ZBTB44: variants seen among roughly 807,000 people sequenced by gnomAD.
ZBTB44 encodes zinc finger and BTB domain containing 44.
Under a neutral mutation model 54.0 loss-of-function variants are expected in ZBTB44, and 15 were observed. The ratio of observed to expected loss-of-function variants is 0.28; its 90% confidence interval spans 0.19 to 0.43. The LOEUF (loss-of-function observed/expected upper bound fraction) is 0.43, where lower values mean the gene tolerates loss of function less well. Ranked by LOEUF, ZBTB44 falls within the 20% of genes least tolerant of loss-of-function variation. The pLI is 1.00. For missense variants in ZBTB44, 487 were observed against 707.1 expected (o/e 0.69, Z 3.53); for synonymous variants, 230 against 250.1 (o/e 0.92, Z 0.76).
At chr11:130,285,798 T>C (rs1940917623) in intron 1 of ZBTB44, 1 of 191,716 alleles carries the variant, frequency 5.2e-6, no homozygotes, top group Non-Finnish European at 1.1e-5. Context: ...GACAGTGATA[T>C]CCACAAGGCA....
intron 2 of ZBTB44, among the ~76,000 whole-genome samples, chr11:130,247,410 G>T (rs1043208551): frequency 7.2e-5 from 11 of 152,176 alleles, no homozygotes; most frequent in Admixed American, 2.0e-4. Context: ...AGCTCAAATA[G>T]TTCAATGAAG....
intron 2 of ZBTB44, among the ~76,000 whole-genome samples, chr11:130,258,684 A>T (rs1591972832): frequency 1.3e-5 from 2 of 152,380 alleles, no homozygotes; most frequent in East Asian, 3.9e-4. Flanking sequence ...TATGTGACAC[A>T]GACTAGCAGA....
intron 1 of ZBTB44, among the ~76,000 whole-genome samples, chr11:130,277,998 T>C (rs1940231691): frequency 6.6e-6 from 1 of 152,208 alleles, no homozygotes; most frequent in Non-Finnish European, 1.5e-5. Context: ...GGTTCCATTT[T>C]GAGTGAGTTA....
intron 1 of ZBTB44, among the ~76,000 whole-genome samples, chr11:130,275,788 C>G (rs1019949420): frequency 6.6e-6 from 1 of 151,994 alleles, no homozygotes; most frequent in African/African-American, 2.4e-5. Context: ...CCAGCATGCC[C>G]AGATAATTTT....
intron 2 of ZBTB44, among the ~76,000 whole-genome samples, chr11:130,241,996 G>T (rs1954386882): frequency 6.6e-6 from 1 of 152,110 alleles, no homozygotes; most frequent in African/African-American, 2.4e-5. Context: ...AGTTACTGTA[G>T]CTTTATAATA....
At chr11:130,313,548 T>C (rs1042195498) in intron 1 of ZBTB44, among the ~76,000 whole-genome samples, 23 of 152,258 alleles carry the variant, frequency 1.5e-4, no homozygotes, top group African/African-American at 4.8e-4. Context: ...ACTGAACACC[T>C]AGAGAAAAGG....
Position 130,295,543 on chromosome 11 carries a change from G to A in ZBTB44, c.-57+18832C>T, listed in dbSNP as rs914813237. 1.6e-5 allele frequency: 11 copies of A among 702,072 alleles called. No individual in the cohort carries two copies. In the African/African-American group the frequency reaches 1.6e-4, roughly 10 times the overall value. The allele number at this position is 702,072 out of a possible 1,614,324, so 43.5% of individuals were successfully genotyped here. On this transcript the variant is annotated intron_variant, in intron 1 of 7. Transcript: ENST00000357899. ...ATAATGATGAAGATGACAGTGAGGT[G>A]CCCAGCCTGCCCCTGGGACTCACAG... is the stretch of plus-strand genomic sequence containing the variant.
rs1310840890 is a variant in ZBTB44, at chr11:130,314,885, C to G, written c.-567G>C. Reference sequence around the variant, plus strand: ...CCGTTGCCGCTCCGCTCACTCCAGCCTGTTTGGGGGCACTTTGTTTGTGTC... The same window carrying G: ...CCGTTGCCGCTCCGCTCACTCCAGCGTGTTTGGGGGCACTTTGTTTGTGTC... On this transcript the variant is annotated 5_prime_UTR_variant, in exon 1 of 8. Coordinates refer to ENST00000357899, the MANE Select transcript of ZBTB44 (RefSeq NM_001301098.2). 1 of 149,436 alleles carries G rather than the reference C, an allele frequency of 6.7e-6. No individual in the cohort carries two copies. Among genetic ancestry groups the G allele is most frequent in the Non-Finnish European group, 1.5e-5 (1 of 67,652 alleles). The allele number at this position is 149,436 out of a possible 1,614,324, so 9.3% of individuals were successfully genotyped here.
intron 1 of ZBTB44, among the ~76,000 whole-genome samples, chr11:130,278,226 A>C (rs1940247937): frequency 6.6e-6 from 1 of 152,258 alleles, no homozygotes; most frequent in South Asian, 2.1e-4. Flanking sequence ...AGTCTAGCTT[A>C]AAGTGCTCAA....
chr11:130,281,721 A>G lies in ZBTB44; in HGVS notation c.-56-19792T>C, dbSNP rs545327783. Among the ~76,000 whole-genome samples, 431 of 151,984 alleles carry G rather than the reference A, an allele frequency of 2.8e-3. 1 individual carries two copies. Among genetic ancestry groups the G allele is most frequent in the Non-Finnish European group, 4.4e-3 (298 of 67,972 alleles). On this transcript the variant is annotated intron_variant, in intron 1 of 7. Coordinates refer to ENST00000357899, the MANE Select transcript of ZBTB44 (RefSeq NM_001301098.2). The stretch of plus-strand genomic sequence containing the variant: ...GTCATTCTCCTGCCTCAGCCACCCA[A>G]GTAGCTGGGACTACAGGCTCCCGCC...
intron 1 of ZBTB44, among the ~76,000 whole-genome samples, chr11:130,294,281 C>T (rs1375431301): frequency 6.6e-5 from 10 of 151,686 alleles, no homozygotes; most frequent in South Asian, 2.1e-4. Context: ...TGGTGGTGCA[C>T]GCCTGTAACC....
intron 1 of ZBTB44, among the ~76,000 whole-genome samples, chr11:130,286,351 T>C (rs1252208793): frequency 6.6e-6 from 1 of 152,208 alleles, no homozygotes; most frequent in Non-Finnish European, 1.5e-5. Context: ...CCTGTAAATG[T>C]ATTTTTAAAA....
At chr11:130,307,517 T>C (rs1942344310) in intron 1 of ZBTB44, among the ~76,000 whole-genome samples, 1 of 152,158 alleles carries the variant, frequency 6.6e-6, no homozygotes, top group African/African-American at 2.4e-5. Context: ...TTAAAATGCC[T>C]TTTAAAGTAG....
At position 130,294,609 on chromosome 11, in the gene ZBTB44, G is replaced by C. The variant is rs532112124; in HGVS notation, c.-57+19766C>G. On this transcript the variant is annotated intron_variant, in intron 1 of 7. Transcript: ENST00000357899. ...TTATTTCTCCCCACCCCATTATGTT[G>C]TTGTTTATAATAATTTAACCCATTT... Among the ~76,000 whole-genome samples, 12 of 129,928 alleles carry C rather than the reference G, an allele frequency of 9.2e-5. No individual in the cohort carries two copies. The East Asian group carries it at 3.0e-3, about 32-fold the overall frequency. The allele number at this position is 129,928 out of a possible 152,430, so 85.2% of individuals were successfully genotyped here. A position where few individuals can be genotyped will look rare whatever the true frequency, so the allele number is the denominator to read the frequency against.
intron 4 of ZBTB44, 33 bp from the exon 5 acceptor site, chr11:130,237,126 C>T (rs1396097642): frequency 1.4e-5 from 20 of 1,451,762 alleles, no homozygotes; most frequent in Non-Finnish European, 1.6e-5. Flanking sequence ...TATCTAAAAA[C>T]AAAAATAAAC....
At chr11:130,300,312 A>G (rs1317203749) in intron 1 of ZBTB44, among the ~76,000 whole-genome samples, 1 of 152,020 alleles carries the variant, frequency 6.6e-6, no homozygotes, top group African/African-American at 2.4e-5. Context: ...ATGATGGCAA[A>G]TTTTATGTTA....
chr11:130,311,300 C>T (rs531541004), intron 1 of ZBTB44, among the ~76,000 whole-genome samples: 62 of 152,238 alleles, frequency 4.1e-4, no homozygotes, highest in African/African-American at 1.4e-3. Flanking sequence ...CCTCAACCTC[C>T]TGGGCTCAAG....
intron 1 of ZBTB44, among the ~76,000 whole-genome samples, chr11:130,308,467 C>A (rs1477710932): frequency 6.6e-6 from 1 of 152,148 alleles, no homozygotes; most frequent in Non-Finnish European, 1.5e-5. Flanking sequence ...ATACTCTAGG[C>A]AAGTCATTTA....
At chr11:130,267,249 G>A (rs980984376) in intron 1 of ZBTB44, among the ~76,000 whole-genome samples, 2 of 152,096 alleles carry the variant, frequency 1.3e-5, no homozygotes, top group African/African-American at 4.8e-5. Flanking sequence ...GGGCGACAGA[G>A]TGAGACCCTG....
Sources: gnomAD v4.1 joint callset for allele counts (sites outside exome capture counted in the v4.1 genomes callset) on GRCh38, gnomAD v4.1.1 for gene constraint, MANE v1.5 for transcripts, NCBI Gene and HGNC (gene_info 2026-07-23, HGNC 2026-07-21) for gene names.